GRB14: variants seen among roughly 807,000 people sequenced by gnomAD.
The protein encoded by GRB14 is growth factor receptor bound protein 14.
GRB14 carries 38 observed loss-of-function variants against 69.1 expected under a neutral mutation model. The ratio of observed to expected loss-of-function variants is 0.55; its 90% confidence interval spans 0.42 to 0.72. The LOEUF (loss-of-function observed/expected upper bound fraction) is 0.72. Ranked by LOEUF, GRB14 falls within the 30% of genes least tolerant of loss-of-function variation. The pLI is 0.00. For missense variants in GRB14, 666 were observed against 666.1 expected (o/e 1.00, Z 0.00); for synonymous variants, 247 against 241.3 (o/e 1.02, Z -0.22).
At chr2:164,599,880 C>T (rs1689874530) in intron 2 of GRB14, among the ~76,000 whole-genome samples, 1 of 151,984 alleles carries the variant, frequency 6.6e-6, no homozygotes, top group Non-Finnish European at 1.5e-5. Flanking sequence ...AAGAAAAGAC[C>T]CAACATAGAA....
rs71393628 is a variant in GRB14 at position 164,579,501 on chromosome 2, G to GCGCGCACA, written c.325-31686_325-31685insTGTGCGCG. Reference sequence around the variant, plus strand: ...CCTCATTTTATTACAGGGCACACTTGCACACACACACACACACACACACAC... The same window carrying GCGCGCACA: ...CCTCATTTTATTACAGGGCACACTTGCGCGCACACACACACACACACACACACACACAC... On this transcript the variant is annotated intron_variant, in intron 2 of 13. Coordinates refer to ENST00000263915, the MANE Select transcript of GRB14 (RefSeq NM_004490.3). Among the ~76,000 whole-genome samples the GCGCGCACA allele has an allele frequency of 4.8e-4, 69 of 145,106 alleles. 1 individual carries two copies. The highest frequency in any genetic ancestry group is 1.8e-3 in the African/African-American group (67 of 37,948).
chr2:164,513,795 G>T (rs1687405077), intron 6 of GRB14, among the ~76,000 whole-genome samples: 1 of 152,152 alleles, frequency 6.6e-6, no homozygotes, highest in Non-Finnish European at 1.5e-5. Context: ...AACCCATAAA[G>T]AAGCAACAGT....
At chr2:164,541,425 T>C (rs1418574828) in intron 3 of GRB14, among the ~76,000 whole-genome samples, 3 of 151,664 alleles carry the variant, frequency 2.0e-5, no homozygotes, top group African/African-American at 7.3e-5. Context: ...TGAGCCAAGA[T>C]TGCGCCATTG....
intron 2 of GRB14, among the ~76,000 whole-genome samples, chr2:164,591,157 A>G (rs752525934): frequency 6.6e-6 from 1 of 152,248 alleles, no homozygotes; most frequent in Non-Finnish European, 1.5e-5. Context: ...ACTCTTCCAC[A>G]TCAATCATTT....
chr2:164,569,280 G>C (rs1484650501), intron 2 of GRB14, among the ~76,000 whole-genome samples: 1 of 152,134 alleles, frequency 6.6e-6, no homozygotes, highest in Non-Finnish European at 1.5e-5. Flanking sequence ...AGGGAGGCTG[G>C]AGGAGGTTTA....
chr2:164,573,985 G>A (rs1689183109), intron 2 of GRB14: 8 of 1,579,144 alleles, frequency 5.1e-6, no homozygotes, highest in Non-Finnish European at 7.0e-6. Flanking sequence ...TTAGAAGCCA[G>A]ATGTTGGCCA....
At position 164,583,459 on chromosome 2, in the gene GRB14, A is replaced by G. The variant is rs1689461901; in HGVS notation, c.325-35643T>C. Among the ~76,000 whole-genome samples, 3 of 152,246 alleles carry G rather than the reference A, an allele frequency of 2.0e-5. No individual in the cohort carries two copies. The East Asian group carries it at 5.8e-4, about 29-fold the overall frequency. ...GACATATTAATGTCCTGTGACGTAG[A>G]AGATCTATGTAGAATTAAAAAACAT... On this transcript the variant is annotated intron_variant, in intron 2 of 13. Transcript: ENST00000263915.
chr2:164,497,222 G>A lies in GRB14; in HGVS notation c.1283C>T (p.Ala428Val). 1 of 1,613,410 alleles carries A rather than the reference G, an allele frequency of 6.2e-7. No homozygotes were observed. Among genetic ancestry groups the A allele is most frequent in the Non-Finnish European group, 8.5e-7 (1 of 1,179,458 alleles). ...ATGAACAGACATACCCATGTTTGTGGCAGAGCTCTGTGAAGAGGCAGTGGG... is the reference window on the plus strand; with the variant it reads ...ATGAACAGACATACCCATGTTTGTGACAGAGCTCTGTGAAGAGGCAGTGGG... ...GSPTASSQSSATNMAIHRSQP... is the reference protein window; with the variant it reads ...GSPTASSQSSVTNMAIHRSQP... The change falls in exon 11 of 14, where the codon GCC (alanine) becomes GTC (valine). Residue 428 changes from alanine to valine, a missense_variant. Ala to Val is a moderately conservative substitution (Grantham distance 64). Coordinates refer to ENST00000263915, the MANE Select transcript of GRB14 (RefSeq NM_004490.3).
Position 164,508,510 on chromosome 2 carries a change from C to A in GRB14, c.968G>T (p.Cys323Phe). 1 of 1,614,110 alleles carries A rather than the reference C, an allele frequency of 6.2e-7. No homozygotes were observed. Among genetic ancestry groups the A allele is most frequent in the South Asian group, 1.1e-5 (1 of 91,088 alleles). ...CGTCCTACTCTGCTCTTCTTCTGCA[C>A]AGAGCATTTTCAGGTCTCGGGGCCC... Reference protein sequence around the residue: ...AGGPRDLKMLCAEEEQSRTCW... With the variant: ...AGGPRDLKMLFAEEEQSRTCW... The change falls in exon 8 of 14, where the codon TGT becomes TTT. Residue 323 changes from cysteine to phenylalanine, a missense_variant. Cys to Phe is a radical substitution (Grantham distance 205, BLOSUM62 -2). Transcript: ENST00000263915.
At chr2:164,494,383 C>T in intron 13 of GRB14, 48 bp downstream of exon 13, 2 of 964,778 alleles carry the variant, frequency 2.1e-6, no homozygotes, top group Non-Finnish European at 1.7e-6. Context: ...AAAGCTTATG[C>T]ATTAAGGTCA....
At position 164,577,628 on chromosome 2, in the gene GRB14, TAC is replaced by T. The variant is rs1553515634; in HGVS notation, c.325-29814_325-29813del. Among the ~76,000 whole-genome samples the T allele has an allele frequency of 2.0e-5, 3 of 152,206 alleles. No homozygotes were observed. The South Asian group carries it at 6.2e-4, about 31-fold the overall frequency. ...AATCAAACCTCTTTTCTTTATAAAT[TAC>T]ACAGTCTTTGGTAGTTCTTTATAGC... On this transcript the variant is annotated intron_variant, in intron 2 of 13. Coordinates refer to ENST00000263915, the MANE Select transcript of GRB14 (RefSeq NM_004490.3).
intron 2 of GRB14, among the ~76,000 whole-genome samples, chr2:164,609,130 A>T (rs980093108): frequency 3.3e-5 from 5 of 152,232 alleles, no homozygotes; most frequent in African/African-American, 1.2e-4. Context: ...ATACTGTGGC[A>T]CAACATCCAA....
chr2:164,588,142 C>T (rs150488956), intron 2 of GRB14, among the ~76,000 whole-genome samples: 2 of 152,120 alleles, frequency 1.3e-5, no homozygotes, highest in African/African-American at 4.8e-5. Context: ...CTATAGGAAA[C>T]AGGATTTAAA....
At chr2:164,517,423 C>T (rs1006725839) in intron 6 of GRB14, among the ~76,000 whole-genome samples, 11 of 152,030 alleles carry the variant, frequency 7.2e-5, no homozygotes, top group Non-Finnish European at 8.8e-5. Context: ...GCTCACAAGA[C>T]CTATAAAACA....
intron 2 of GRB14, among the ~76,000 whole-genome samples, chr2:164,617,309 T>C (rs1255023010): frequency 6.6e-6 from 1 of 152,150 alleles, no homozygotes; most frequent in Non-Finnish European, 1.5e-5. Context: ...CAGGTGTGTG[T>C]GTGGGTACAG....
intron 2 of GRB14, among the ~76,000 whole-genome samples, chr2:164,563,400 T>G (rs1688885010): frequency 6.6e-6 from 1 of 152,188 alleles, no homozygotes; most frequent in South Asian, 2.1e-4. Flanking sequence ...GGCAGTGTGC[T>G]ACACTCCAGG....
chr2:164,596,677 A>T (rs1399194003), intron 2 of GRB14, among the ~76,000 whole-genome samples: 1 of 152,214 alleles, frequency 6.6e-6, no homozygotes, highest in East Asian at 1.9e-4. Context: ...ACTGATAAAT[A>T]CACAAAGAAA....
intron 3 of GRB14, among the ~76,000 whole-genome samples, chr2:164,535,976 C>T (rs914134039): frequency 5.3e-5 from 8 of 152,168 alleles, no homozygotes; most frequent in African/African-American, 1.9e-4. Context: ...TATATGATCT[C>T]GAGTTGACTG....
chr2:164,524,424 G>A (rs1381188099), intron 5 of GRB14, among the ~76,000 whole-genome samples: 2 of 152,036 alleles, frequency 1.3e-5, no homozygotes, highest in Non-Finnish European at 2.9e-5. Context: ...TGGAAGAAAT[G>A]AGTCCAATAG....
Sources: gnomAD v4.1 joint callset for allele counts (sites outside exome capture counted in the v4.1 genomes callset) on GRCh38, gnomAD v4.1.1 for gene constraint, MANE v1.5 for transcripts, NCBI Gene and HGNC (gene_info 2026-07-23, HGNC 2026-07-21) for gene names.